The following CDH4 variants were observed in gnomAD, a reference collection of about 807,000 sequenced individuals.
The protein encoded by CDH4 is cadherin 4.
In CDH4, 33 loss-of-function variants were observed where a neutral mutation model predicts 86.0. The ratio of observed to expected loss-of-function variants is 0.38; its 90% confidence interval spans 0.29 to 0.51. The LOEUF (loss-of-function observed/expected upper bound fraction) is 0.51, where lower values mean the gene tolerates loss of function less well. Among genes scored for constraint, CDH4 ranks in the 20% least tolerant of loss-of-function variants. The pLI is 0.86. For missense variants in CDH4, 1,114 were observed against 1,307.4 expected (o/e 0.85, Z 2.28); for synonymous variants, 555 against 549.4 (o/e 1.01, Z -0.14).
intron 2 of CDH4, among the ~76,000 whole-genome samples, chr20:61,274,323 G>A (rs1307176734): frequency 7.8e-6 from 1 of 127,978 alleles, no homozygotes; most frequent in Non-Finnish European, 1.6e-5. Flanking sequence ...GCAGTTTGGG[G>A]GAGTACCATG....
chr20:61,538,556 C>T (rs2086015489), intron 2 of CDH4, among the ~76,000 whole-genome samples: 1 of 152,218 alleles, frequency 6.6e-6, no homozygotes, highest in Non-Finnish European at 1.5e-5. Flanking sequence ...TAACATCCGC[C>T]TGTCCCTGCT....
chr20:61,856,675 ACT>A, intron 6 of CDH4, among the ~76,000 whole-genome samples: 1 of 151,558 alleles, frequency 6.6e-6, no homozygotes, highest in East Asian at 1.9e-4. Context: ...TGCACCCCAC[ACT>A]CTTATCCAGC....
intron 2 of CDH4, among the ~76,000 whole-genome samples, chr20:61,587,934 C>T (rs1317461517): frequency 2.0e-5 from 3 of 152,146 alleles, no homozygotes; most frequent in South Asian, 2.1e-4. Flanking sequence ...CGGAGTCAAC[C>T]GGCGTTTTCT....
rs2055243647 is a variant in CDH4 at position 61,939,954 on chromosome 20, G to A, written c.*3011G>A. 1 of 152,260 alleles carries A rather than the reference G, an allele frequency of 6.6e-6. No homozygotes were observed. The highest frequency in any genetic ancestry group is 1.5e-5 in the Non-Finnish European group (1 of 68,054). 9.4% of individuals were successfully genotyped at this position (152,260 alleles called of 1,614,324 possible). On this transcript the variant is annotated 3_prime_UTR_variant, in exon 16 of 16. Transcript: ENST00000614565. ...GTGTCAGAGCAATGTCCAACTGTCA[G>A]GCTCTCAGAGATGCCTCAGTTTCCC... is the stretch of plus-strand genomic sequence containing the variant.
intron 2 of CDH4, among the ~76,000 whole-genome samples, chr20:61,471,403 G>T (rs2085501918): frequency 6.6e-6 from 1 of 151,002 alleles, no homozygotes. Flanking sequence ...TATTTATTTG[G>T]GTCTTCTCTC....
At chr20:61,503,510 G>C (rs552111353) in intron 2 of CDH4, among the ~76,000 whole-genome samples, 2 of 152,204 alleles carry the variant, frequency 1.3e-5, no homozygotes, top group Admixed American at 6.5e-5. Flanking sequence ...ATGCTGAAGA[G>C]TAAGTGTGTC....
Position 61,545,587 on chromosome 20 carries a change from T to C in CDH4, c.170-197976T>C, listed in dbSNP as rs577899957. ...GCTGACGTGGACTTTTTTTTCATGA[T>C]CACCCTACAAATTCATTTCTCTTTT... On this transcript the variant is annotated intron_variant, in intron 2 of 15. Transcript: ENST00000614565. Among the ~76,000 whole-genome samples the C allele has an allele frequency of 2.6e-5, 4 of 152,324 alleles. No homozygotes were observed. The East Asian group carries it at 7.7e-4, about 29-fold the overall frequency.
intron 2 of CDH4, among the ~76,000 whole-genome samples, chr20:61,640,602 G>A (rs1464821878): frequency 2.0e-5 from 3 of 152,154 alleles, no homozygotes; most frequent in East Asian, 1.9e-4. Context: ...GTTGGAGTCC[G>A]GGTCACACCC....
At chr20:61,264,593 C>G (rs370111803) in intron 2 of CDH4, among the ~76,000 whole-genome samples, 1 of 148,784 alleles carries the variant, frequency 6.7e-6, no homozygotes, top group Non-Finnish European at 1.5e-5. Flanking sequence ...CTTACACATA[C>G]AGTGGCTCCT....
At chr20:61,678,214 C>T (rs1007573535) in intron 2 of CDH4, among the ~76,000 whole-genome samples, 2 of 151,690 alleles carry the variant, frequency 1.3e-5, no homozygotes, top group African/African-American at 4.8e-5. Context: ...TCCACACATA[C>T]ACAGATGACA....
intron 2 of CDH4, among the ~76,000 whole-genome samples, chr20:61,303,526 C>T (rs2123208659): frequency 6.6e-6 from 1 of 152,348 alleles, no homozygotes; most frequent in South Asian, 2.1e-4. Context: ...CCTCCTGCTT[C>T]TCCTGGGTTC....
intron 2 of CDH4, among the ~76,000 whole-genome samples, chr20:61,311,893 CG>C (rs1487438103): frequency 6.6e-6 from 1 of 152,264 alleles, no homozygotes; most frequent in East Asian, 1.9e-4. Flanking sequence ...TGGCTTCCTG[CG>C]GAGCCGGCTG....
intron 2 of CDH4, among the ~76,000 whole-genome samples, chr20:61,714,084 T>C (rs964866559): frequency 1.3e-5 from 2 of 151,846 alleles, no homozygotes; most frequent in Non-Finnish European, 2.9e-5. Context: ...TCTCACTCTG[T>C]CGCCCAGGCT....
At chr20:61,654,362 C>G (rs1191381498) in intron 2 of CDH4, among the ~76,000 whole-genome samples, 2 of 152,126 alleles carry the variant, frequency 1.3e-5, no homozygotes, top group Non-Finnish European at 1.5e-5. Flanking sequence ...TGCAGTGAGC[C>G]GAGATGGCAG....
chr20:61,540,622 A>G (rs2086033042), intron 2 of CDH4, among the ~76,000 whole-genome samples: 1 of 152,166 alleles, frequency 6.6e-6, no homozygotes, highest in South Asian at 2.1e-4. Context: ...TGTCCCAGGG[A>G]AGATCTTATA....
chr20:61,600,628 T>G (rs2086593063), intron 2 of CDH4, among the ~76,000 whole-genome samples: 2 of 152,186 alleles, frequency 1.3e-5, no homozygotes, highest in Non-Finnish European at 1.5e-5. Context: ...CTCAGGGGAT[T>G]CATTCCAGGC....
At chr20:61,871,875 T>C (rs541334807) in intron 6 of CDH4, among the ~76,000 whole-genome samples, 1 of 152,396 alleles carries the variant, frequency 6.6e-6, no homozygotes, top group Admixed American at 6.5e-5. Flanking sequence ...GAAACGTGTC[T>C]GCTTTGAGAA....
intron 8 of CDH4, among the ~76,000 whole-genome samples, chr20:61,908,224 C>T (rs1023346435): frequency 9.9e-5 from 15 of 152,214 alleles, no homozygotes; most frequent in African/African-American, 4.8e-5. Context: ...ATTCTTCTGT[C>T]GCGTCGCCGT....
At chr20:61,427,523 C>G (rs1402369287) in intron 2 of CDH4, among the ~76,000 whole-genome samples, 1 of 151,840 alleles carries the variant, frequency 6.6e-6, no homozygotes, top group Non-Finnish European at 1.5e-5. Context: ...TTTGGACCAC[C>G]TGGCAGCTCC....
Sources: gnomAD v4.1 joint callset for allele counts (sites outside exome capture counted in the v4.1 genomes callset) on GRCh38, gnomAD v4.1.1 for gene constraint, MANE v1.5 for transcripts, NCBI Gene and HGNC (gene_info 2026-07-23, HGNC 2026-07-21) for gene names.